Variants in PTH2R observed in about 807,000 individuals in gnomAD.
PTH2R encodes parathyroid hormone 2 receptor.
A neutral mutation model predicts 60.3 loss-of-function variants in PTH2R; 59 were observed. That is an observed-to-expected ratio of 0.98 (90% CI 0.79 to 1.22). PTH2R has a LOEUF of 1.22. PTH2R is among the 50% of genes most tolerant of loss of function. The pLI, the probability that PTH2R is intolerant of heterozygous loss-of-function variation, is 0.00. For synonymous variants in PTH2R, 256 were observed against 243.8 expected (o/e 1.05, Z -0.47); for missense variants, 749 against 682.6 (o/e 1.10, Z -1.08).
intron 1 of PTH2R, among the ~76,000 whole-genome samples, chr2:208,369,619 A>C (rs1239923802): frequency 6.6e-6 from 1 of 151,938 alleles, no homozygotes; most frequent in African/African-American, 2.4e-5. Context: ...CGGCCTCCCA[A>C]AGTGCTGGGA....
intron 1 of PTH2R, among the ~76,000 whole-genome samples, chr2:208,393,327 T>G (rs1490518735): frequency 6.6e-6 from 1 of 152,192 alleles, no homozygotes; most frequent in East Asian, 1.9e-4. Context: ...GTTTTATTAG[T>G]GCCTTTTTCA....
At chr2:208,435,186 A>G (rs999896930) in intron 2 of PTH2R, among the ~76,000 whole-genome samples, 3 of 152,226 alleles carry the variant, frequency 2.0e-5, no homozygotes, top group Non-Finnish European at 4.4e-5. Context: ...TAAGCAAACA[A>G]CTTGACAAAA....
intron 1 of PTH2R, among the ~76,000 whole-genome samples, chr2:208,371,017 C>T (rs1700691509): frequency 6.6e-6 from 1 of 151,966 alleles, no homozygotes; most frequent in Non-Finnish European, 1.5e-5. Context: ...CTTTAAACAA[C>T]CAGCTCTCAT....
rs1702252338 is a variant in PTH2R at position 208,444,665 on chromosome 2, T to C, written c.700-69T>C. ...AAGAAACTGAAGACTTGTTTTTTAG[T>C]GGTCTAATGTTGGCATCCAGTACAA... On this transcript the variant is annotated intron_variant, in intron 6 of 12. Transcript: ENST00000272847. 60 of 1,424,086 alleles carry C rather than the reference T, an allele frequency of 4.2e-5. 1 individual carries two copies. In the South Asian group the frequency reaches 8.1e-4, roughly 19 times the overall value. 88.2% of individuals were successfully genotyped at this position (1,424,086 alleles called of 1,614,324 possible).
intron 1 of PTH2R, among the ~76,000 whole-genome samples, chr2:208,400,488 T>C (rs1023519199): frequency 6.6e-6 from 1 of 152,184 alleles, no homozygotes; most frequent in African/African-American, 2.4e-5. Context: ...AGAATGTCTT[T>C]TTCAGATGTC....
At chr2:208,454,389 G>A (rs560457541) in intron 8 of PTH2R, among the ~76,000 whole-genome samples, 1 of 152,218 alleles carries the variant, frequency 6.6e-6, no homozygotes, top group South Asian at 2.1e-4. Flanking sequence ...CATGAGAGTG[G>A]GGCCCTGTTA....
At chr2:208,448,736 C>T (rs757231930) in intron 7 of PTH2R, among the ~76,000 whole-genome samples, 3 of 149,970 alleles carry the variant, frequency 2.0e-5, no homozygotes, top group Non-Finnish European at 4.4e-5. Context: ...TTTAAAACAA[C>T]ATTTACATGT....
At chr2:208,479,284 C>T (rs1361683547) in intron 9 of PTH2R, among the ~76,000 whole-genome samples, 1 of 152,116 alleles carries the variant, frequency 6.6e-6, no homozygotes, top group Admixed American at 6.5e-5. Context: ...GTGCTTGGTC[C>T]TGGGTCTTTT....
Position 208,481,270 on chromosome 2 carries a change from G to A in PTH2R, c.1076+106G>A, listed in dbSNP as rs955664201. 8 of 594,996 alleles carry A rather than the reference G, an allele frequency of 1.3e-5. No homozygotes were observed. In the African/African-American group the frequency reaches 2.3e-4, roughly 17 times the overall value. 36.9% of individuals were successfully genotyped at this position (594,996 alleles called of 1,614,324 possible). ...GTCTCGCTCTGTTGCCCAGGCTGGAGTGCAATGGCACAATCTCGGCTCACT... is the reference window on the plus strand; with the variant it reads ...GTCTCGCTCTGTTGCCCAGGCTGGAATGCAATGGCACAATCTCGGCTCACT... On this transcript the variant is annotated intron_variant, in intron 10 of 12. Transcript: ENST00000272847.
chr2:208,397,800 G>T (rs1332378654), intron 1 of PTH2R, among the ~76,000 whole-genome samples: 1 of 152,200 alleles, frequency 6.6e-6, no homozygotes, highest in African/African-American at 2.4e-5. Flanking sequence ...GATATGTGGG[G>T]TGGCCATGTT....
intron 2 of PTH2R, among the ~76,000 whole-genome samples, chr2:208,432,771 A>G (rs1701998666): frequency 1.3e-5 from 2 of 152,202 alleles, no homozygotes; most frequent in Non-Finnish European, 2.9e-5. Flanking sequence ...CTGGAGTCTG[A>G]TGTCCAAGGA....
chr2:208,373,058 C>G (rs1469809308), intron 1 of PTH2R, among the ~76,000 whole-genome samples: 2 of 152,064 alleles, frequency 1.3e-5, no homozygotes, highest in Non-Finnish European at 2.9e-5. Flanking sequence ...TGCACTCTAG[C>G]ATGGGTGACA....
At chr2:208,434,492 C>T (rs1360361155) in intron 2 of PTH2R, among the ~76,000 whole-genome samples, 2 of 151,872 alleles carry the variant, frequency 1.3e-5, no homozygotes, top group Non-Finnish European at 2.9e-5. Context: ...TTGCAGGGAA[C>T]GAGAAAGCTG....
intron 1 of PTH2R, among the ~76,000 whole-genome samples, chr2:208,371,990 C>T (rs1454698251): frequency 4.6e-5 from 7 of 151,964 alleles, no homozygotes; most frequent in African/African-American, 7.3e-5. Context: ...GGCGTGATAT[C>T]GGCTCACTGC....
intron 10 of PTH2R, 55 bp downstream of exon 10, chr2:208,481,219 CTTTTTTT>C: frequency 1.7e-5 from 14 of 835,068 alleles, no homozygotes; most frequent in Admixed American, 3.0e-5. Context: ...TATTTCTTTC[CTTTTTTT>C]TTTTTTTTTT....
chr2:208,412,984 T>C (rs1401255082), intron 1 of PTH2R, among the ~76,000 whole-genome samples: 2 of 152,172 alleles, frequency 1.3e-5, no homozygotes, highest in Non-Finnish European at 2.9e-5. Flanking sequence ...TCCTGTCTTA[T>C]GTACTCATTC....
At chr2:208,411,752 T>C (rs11902835) in intron 1 of PTH2R, among the ~76,000 whole-genome samples, 7,165 of 152,224 alleles carry the variant, frequency 0.047, 238 homozygotes, top group African/African-American at 0.1. Flanking sequence ...CCGTGTGACT[T>C]TAGTCGTTAA....
intron 1 of PTH2R, among the ~76,000 whole-genome samples, chr2:208,419,366 G>C (rs2105844610): frequency 6.6e-6 from 1 of 152,228 alleles, no homozygotes; most frequent in Admixed American, 6.5e-5. Flanking sequence ...TTTTTGATGG[G>C]GTTGTTTGTT....
intron 1 of PTH2R, among the ~76,000 whole-genome samples, chr2:208,382,058 A>G (rs1470871002): frequency 1.3e-5 from 2 of 152,138 alleles, no homozygotes; most frequent in East Asian, 1.9e-4. Context: ...GAATTAATAC[A>G]TAGTGTTTGA....
Sources: gnomAD v4.1 joint callset for allele counts (sites outside exome capture counted in the v4.1 genomes callset) on GRCh38, gnomAD v4.1.1 for gene constraint, MANE v1.5 for transcripts, NCBI Gene and HGNC (gene_info 2026-07-23, HGNC 2026-07-21) for gene names.